The following ZFPM2 variants were observed in gnomAD, a reference collection of about 807,000 sequenced individuals.
ZFPM2 encodes the protein zinc finger protein, FOG family member 2, also known as zinc finger protein ZFPM2.
A neutral mutation model predicts 98.6 loss-of-function variants in ZFPM2; 20 were observed. The ratio of observed to expected loss-of-function variants is 0.20; its 90% CI spans 0.14 to 0.29. The LOEUF (loss-of-function observed/expected upper bound fraction) is 0.29. ZFPM2 is among the 10% of genes least tolerant of loss of function. ZFPM2 has a pLI of 1.00. For synonymous variants in ZFPM2, 518 were observed against 502.7 expected (o/e 1.03, Z -0.41); for missense variants, 1,310 against 1,388.6 (o/e 0.94, Z 0.90).
chr8:105,432,341 G>C (rs1484482011), intron 2 of ZFPM2, among the ~76,000 whole-genome samples: 1 of 152,140 alleles, frequency 6.6e-6, no homozygotes, highest in African/African-American at 2.4e-5. Flanking sequence ...CATCATTAGA[G>C]TGTTTGAACT....
chr8:105,368,443 T>A (rs1181135226), intron 1 of ZFPM2, among the ~76,000 whole-genome samples: 1 of 152,218 alleles, frequency 6.6e-6, no homozygotes, highest in East Asian at 1.9e-4. Flanking sequence ...CTTTCCACTT[T>A]GAGCCCAATC....
At chr8:105,776,331 C>T (rs879440615) in intron 5 of ZFPM2, among the ~76,000 whole-genome samples, 4 of 152,016 alleles carry the variant, frequency 2.6e-5, no homozygotes, top group Admixed American at 6.6e-5. Context: ...TTCTAAGTTC[C>T]GATCAGACCT....
intron 3 of ZFPM2, among the ~76,000 whole-genome samples, chr8:105,506,329 A>G (rs1486040856): frequency 6.6e-6 from 1 of 152,208 alleles, no homozygotes; most frequent in African/African-American, 2.4e-5. Flanking sequence ...CTACATACAC[A>G]TGCACAGAGT....
chr8:105,558,878 T>A (rs182938658), intron 3 of ZFPM2, among the ~76,000 whole-genome samples: 13 of 152,280 alleles, frequency 8.5e-5, no homozygotes, highest in Admixed American at 5.2e-4. Context: ...TTATTTTAAA[T>A]GGTAAATTGT....
At chr8:105,478,895 A>T (rs578254575) in intron 3 of ZFPM2, among the ~76,000 whole-genome samples, 51 of 152,290 alleles carry the variant, frequency 3.3e-4, no homozygotes, top group Admixed American at 1.4e-3. Context: ...AATGCTACTA[A>T]AGTCTATCCT....
Position 105,422,521 on chromosome 8 carries a change from C to T in ZFPM2, c.199+3219C>T, listed in dbSNP as rs1220311398. ...TGCACATAGTTTAAATCATTTATGA[C>T]AATTTAAAAATTGTTGATATTTACT... On this transcript the variant is annotated intron_variant, in intron 2 of 7. Transcript: ENST00000407775. Among the ~76,000 whole-genome samples the T allele has an allele frequency of 2.6e-5, 4 of 152,116 alleles. No homozygotes were observed. The East Asian group carries it at 7.7e-4, about 29-fold the overall frequency.
At chr8:105,435,678 T>C (rs1417391620) in intron 2 of ZFPM2, among the ~76,000 whole-genome samples, 1 of 152,136 alleles carries the variant, frequency 6.6e-6, no homozygotes, top group East Asian at 1.9e-4. Flanking sequence ...AAAAAAAATG[T>C]TGGTCAATAA....
intron 4 of ZFPM2, among the ~76,000 whole-genome samples, chr8:105,605,906 G>A (rs759632378): frequency 6.6e-6 from 1 of 151,960 alleles, no homozygotes; most frequent in Non-Finnish European, 1.5e-5. Flanking sequence ...TGAGCTCTTC[G>A]TTTATCCTCT....
chr8:105,798,694 C>A (rs1452364502), intron 6 of ZFPM2, 30 bp from the exon 7 acceptor site: 1 of 1,583,760 alleles, frequency 6.3e-7, no homozygotes, highest in African/African-American at 1.3e-5. Context: ...TGGACAGCAG[C>A]AAATGTGTCT....
At chr8:105,644,297 T>TTA (rs762501468) in intron 5 of ZFPM2, among the ~76,000 whole-genome samples, 1 of 145,514 alleles carries the variant, frequency 6.9e-6, no homozygotes. Flanking sequence ...TTTTTTTTTT[T>TTA]AAAAAAAAAA....
At chr8:105,405,671 G>A (rs1390835775) in intron 1 of ZFPM2, among the ~76,000 whole-genome samples, 4 of 151,878 alleles carry the variant, frequency 2.6e-5, no homozygotes, top group Non-Finnish European at 5.9e-5. Context: ...TCTTAATCCA[G>A]TCTATCATTG....
chr8:105,460,539 A>G (rs868779536), intron 3 of ZFPM2, among the ~76,000 whole-genome samples: 7 of 152,104 alleles, frequency 4.6e-5, no homozygotes, highest in Non-Finnish European at 7.4e-5. Context: ...CTGGCATCAT[A>G]TGGAGGGTGA....
intron 3 of ZFPM2, among the ~76,000 whole-genome samples, chr8:105,523,817 G>A (rs1466383219): frequency 2.0e-5 from 3 of 152,140 alleles, no homozygotes; most frequent in Non-Finnish European, 2.9e-5. Flanking sequence ...GGTATGTTGG[G>A]TGTGTATAGC....
At chr8:105,698,929 G>C (rs1274166574) in intron 5 of ZFPM2, among the ~76,000 whole-genome samples, 4 of 151,970 alleles carry the variant, frequency 2.6e-5, no homozygotes, top group Admixed American at 2.6e-4. Flanking sequence ...TTCTCTCCTT[G>C]CTATATTCTT....
chr8:105,394,632 G>T (rs1273995496), intron 1 of ZFPM2, among the ~76,000 whole-genome samples: 1 of 152,146 alleles, frequency 6.6e-6, no homozygotes, highest in Non-Finnish European at 1.5e-5. Flanking sequence ...TTTTGTAAAA[G>T]CGAGTACATC....
intron 5 of ZFPM2, among the ~76,000 whole-genome samples, chr8:105,757,984 G>C (rs1223056573): frequency 6.6e-6 from 1 of 151,992 alleles, no homozygotes; most frequent in Non-Finnish European, 1.5e-5. Flanking sequence ...CTACAATCAG[G>C]AATCACCTCA....
At chr8:105,374,324 T>C (rs1196540511) in intron 1 of ZFPM2, among the ~76,000 whole-genome samples, 1 of 152,186 alleles carries the variant, frequency 6.6e-6, no homozygotes, top group African/African-American at 2.4e-5. Flanking sequence ...AAATTGCTCA[T>C]AGTTCCAGAG....
intron 1 of ZFPM2, among the ~76,000 whole-genome samples, chr8:105,404,416 A>C (rs1439688001): frequency 6.6e-6 from 1 of 151,970 alleles, no homozygotes; most frequent in East Asian, 1.9e-4. Context: ...GCCACATTCT[A>C]TTTGACGTCT....
intron 4 of ZFPM2, among the ~76,000 whole-genome samples, chr8:105,628,755 C>T (rs548115320): frequency 1.3e-5 from 2 of 152,208 alleles, no homozygotes; most frequent in Admixed American, 6.5e-5. Context: ...GAGCCACTTT[C>T]GTAGACAATA....
Sources: gnomAD v4.1 joint callset for allele counts (sites outside exome capture counted in the v4.1 genomes callset) on GRCh38, gnomAD v4.1.1 for gene constraint, MANE v1.5 for transcripts, NCBI Gene and HGNC (gene_info 2026-07-23, HGNC 2026-07-21) for gene names.